The following NSD3 variants were observed in gnomAD, a reference collection of about 807,000 sequenced individuals.
NSD3 encodes histone-lysine N-methyltransferase NSD3.
NSD3 carries 24 observed loss-of-function variants against 160.8 expected under a neutral mutation model. The ratio of observed to expected loss-of-function variants is 0.15; its 90% CI spans 0.11 to 0.21. NSD3 has a LOEUF of 0.21. Ranked by LOEUF, NSD3 falls within the 10% of genes least tolerant of loss-of-function variation. The pLI, the probability that NSD3 is intolerant of heterozygous loss-of-function variation, is 1.00. For missense variants in NSD3, 1,157 were observed against 1,735.9 expected, an observed-to-expected ratio of 0.67 and a Z score of 5.93; for synonymous variants, 520 against 600.0, an observed-to-expected ratio of 0.87 and a Z score of 1.95.
At chr8:38,345,666 T>C (rs1301960660) in intron 2 of NSD3, among the ~76,000 whole-genome samples, 1 of 152,032 alleles carries the variant, frequency 6.6e-6, no homozygotes, top group African/African-American at 2.4e-5. Context: ...ATCCCGGCAC[T>C]TTGAGAGGCC....
chr8:38,351,433 G>A (rs1335410014), intron 1 of NSD3, among the ~76,000 whole-genome samples: 1 of 151,328 alleles, frequency 6.6e-6, no homozygotes, highest in Non-Finnish European at 1.5e-5. Context: ...GGGAGGCCGA[G>A]GTGGGTGGAT....
chr8:38,373,632 ATCT>A (rs1811311654), intron 1 of NSD3, among the ~76,000 whole-genome samples: 2 of 152,070 alleles, frequency 1.3e-5, no homozygotes, highest in African/African-American at 4.8e-5. Flanking sequence ...TCTCCATATG[ATCT>A]TCTTAATCTC....
chr8:38,325,209 T>C (rs139586133), intron 7 of NSD3, among the ~76,000 whole-genome samples: 42 of 152,294 alleles, frequency 2.8e-4, no homozygotes, highest in African/African-American at 9.1e-4. Flanking sequence ...ACCTGAGGGA[T>C]TGGACTCTAA....
At chr8:38,305,540 A>G (rs1563348873) in intron 12 of NSD3, 95 bp from the exon 13 acceptor site, 1 of 1,156,414 alleles carries the variant, frequency 8.6e-7, no homozygotes, top group South Asian at 1.5e-5. Flanking sequence ...CTCCTAAAAC[A>G]GACTCTATTA....
At position 38,321,483 on chromosome 8, in the gene NSD3, C is replaced by T. The variant is rs1328273546; in HGVS notation, c.1709-311G>A. ...ATTAGTTTTAAAGGCACATAAACAT[C>T]TTTAGGTAAATATAATTAGGGAATG... On this transcript the variant is annotated intron_variant, in intron 7 of 23. Transcript: ENST00000317025. The surrounding 1 kb of genome is among the most constrained non-coding windows in gnomAD (Gnocchi z 4.7). Among the ~76,000 whole-genome samples the T allele has an allele frequency of 6.6e-6, 1 of 152,106 alleles. No homozygotes were observed. Among genetic ancestry groups the T allele is most frequent in the African/African-American group, 2.4e-5 (1 of 41,396 alleles).
intron 4 of NSD3, among the ~76,000 whole-genome samples, chr8:38,336,649 T>TA (rs1810223156): frequency 6.6e-6 from 1 of 152,208 alleles, no homozygotes; most frequent in Non-Finnish European, 1.5e-5. Context: ...TAAGTTCATA[T>TA]AAAACATCTG....
At chr8:38,376,837 T>G (rs370095531) in intron 1 of NSD3, among the ~76,000 whole-genome samples, 5 of 152,194 alleles carry the variant, frequency 3.3e-5, no homozygotes, top group African/African-American at 1.2e-4. Flanking sequence ...TAGGCCTCAG[T>G]TTTCTCTCTT....
chr8:38,350,420 ATT>A (rs1810661300), intron 1 of NSD3, among the ~76,000 whole-genome samples: 1 of 152,070 alleles, frequency 6.6e-6, no homozygotes, highest in African/African-American at 2.4e-5. Flanking sequence ...TTTGATTTGC[ATT>A]TGTCTGATGG....
Position 38,288,699 on chromosome 8 carries a change from G to A in NSD3, c.3289C>T (p.Arg1097Cys), listed in dbSNP as rs752248481. ...IQVADLSEIP[R>C]CNCKPADENP... is the part of the protein sequence containing the mutation. Reference sequence around the variant, plus strand: ...TCATCAGCTGGCTTGCAGTTACAGCGGGGAATCTCTGACAGGTCAGCAACC... The same window carrying A: ...TCATCAGCTGGCTTGCAGTTACAGCAGGGAATCTCTGACAGGTCAGCAACC... The change falls in exon 19 of 24, where the codon CGC becomes TGC. Residue 1097 changes from arginine to cysteine, a missense_variant. By Grantham distance (180) the Arg-to-Cys change is radical. Coordinates refer to ENST00000317025, the MANE Select transcript of NSD3 (RefSeq NM_023034.2). This position sits in a 1 kb window ranked among gnomAD's most constrained non-coding sequence, Gnocchi z 4.5. 3.1e-5 allele frequency: 50 copies of A among 1,614,146 alleles called. No individual in the cohort carries two copies. The highest frequency in any genetic ancestry group is 4.2e-5 in the Non-Finnish European group (49 of 1,180,036).
At position 38,329,182 on chromosome 8, in the gene NSD3, A is replaced by G. The variant is rs1004922465; in HGVS notation, c.1581+196T>C. Among the ~76,000 whole-genome samples, 10 of 152,244 alleles carry G rather than the reference A, an allele frequency of 6.6e-5. No homozygotes were observed. Among genetic ancestry groups the G allele is most frequent in the Non-Finnish European group, 1.3e-4 (9 of 68,042 alleles). On this transcript the variant is annotated intron_variant, in intron 6 of 23. Coordinates refer to ENST00000317025, the MANE Select transcript of NSD3 (RefSeq NM_023034.2). This position sits in a 1 kb window ranked among gnomAD's most constrained non-coding sequence, Gnocchi z 4.8. Reference sequence around the variant, plus strand: ...ATCTACTACAGATGGGAAAATCACAAAAGAAGGGGATAAAAAAGAAGAAAA... The same window carrying G: ...ATCTACTACAGATGGGAAAATCACAGAAGAAGGGGATAAAAAAGAAGAAAA...
intron 11 of NSD3, 110 bp from the exon 12 acceptor site, chr8:38,314,883 A>G (rs1809620207): frequency 8.1e-7 from 1 of 1,240,010 alleles, no homozygotes. Flanking sequence ...ACTGTGATTC[A>G]GTAGGTCTGG....
chr8:38,311,254 T>C (rs1177642931), intron 12 of NSD3, among the ~76,000 whole-genome samples: 1 of 152,174 alleles, frequency 6.6e-6, no homozygotes, highest in African/African-American at 2.4e-5. Context: ...TTCATATGTA[T>C]ATTGACCATC....
intron 21 of NSD3, among the ~76,000 whole-genome samples, chr8:38,278,823 G>A (rs1808671838): frequency 6.6e-6 from 1 of 152,144 alleles, no homozygotes; most frequent in Admixed American, 6.5e-5. Context: ...CTTATATTAT[G>A]ATCAAATAAA....
At chr8:38,289,732 C>A (rs1218685977) in intron 17 of NSD3, among the ~76,000 whole-genome samples, 2 of 152,192 alleles carry the variant, frequency 1.3e-5, no homozygotes, top group Non-Finnish European at 2.9e-5. Flanking sequence ...AGGGAAGAGG[C>A]TCTACTTCAA....
intron 1 of NSD3, 51 bp downstream of exon 1, chr8:38,381,740 GCGCGCGCA>G (rs2150401148): frequency 1.6e-5 from 2 of 123,398 alleles, no homozygotes; most frequent in South Asian, 5.6e-4. Context: ...ACACACGCGC[GCGCGCGCA>G]CACACACACA....
chr8:38,338,729 T>A, intron 2 of NSD3, 122 bp from the exon 3 acceptor site: 1 of 767,484 alleles, frequency 1.3e-6, no homozygotes, highest in Non-Finnish European at 2.2e-6. Flanking sequence ...GGGCATTTAT[T>A]AACTGAACAA....
chr8:38,334,357 C>T (rs1357516289), intron 4 of NSD3, among the ~76,000 whole-genome samples: 6 of 152,106 alleles, frequency 3.9e-5, no homozygotes, highest in African/African-American at 1.4e-4. Context: ...CTAATGGATA[C>T]AGGATTTTTG....
chr8:38,348,148 C>T lies in NSD3; in HGVS notation c.24G>A (p.Met8Ile). 2 of 1,596,126 alleles carry T rather than the reference C, an allele frequency of 1.3e-6. No individual in the cohort carries two copies. Among genetic ancestry groups the T allele is most frequent in the Non-Finnish European group, 1.7e-6 (2 of 1,170,764 alleles). Residue 8 changes from methionine (M) to isoleucine (I), a missense_variant, in exon 2 of 24, where the codon ATG (methionine) becomes ATA (isoleucine). Physicochemically the swap from Met to Ile is conservative, Grantham distance 10 (BLOSUM62 1). This residue lies in a region of NSD3 where 121 missense variants were observed against 177.2 expected (regional missense o/e 0.68). Coordinates refer to ENST00000317025, the MANE Select transcript of NSD3 (RefSeq NM_023034.2). MDFSFSF[M>I]QGIMGNTIQQ... ...GAATTGTGTTTCCCATGATCCCTTG[C>T]ATGAAAGAGAAAGAGAAATCCATTG...
Position 38,348,013 on chromosome 8 carries a change from C to T in NSD3, c.159G>A (p.Leu53=), listed in dbSNP as rs1363196670. The change falls in exon 2 of 24, where the codon TTG becomes TTA. Residue 53 remains leucine, a synonymous_variant. Coordinates refer to ENST00000317025, the MANE Select transcript of NSD3 (RefSeq NM_023034.2). ...TAGCTGGGTACTGAAAGCCTTGCTG[C>T]AAAGTAGCTTCATATGGTGTCTGGC... ...DGGQTPYEAT[L]QQGFQYPATT... The T allele has an allele frequency of 1.2e-6, 2 of 1,614,146 alleles. No individual in the cohort carries two copies. Among genetic ancestry groups the T allele is most frequent in the Non-Finnish European group, 8.5e-7 (1 of 1,180,016 alleles).
Sources: allele counts gnomAD v4.1 joint callset (sites outside exome capture counted in the v4.1 genomes callset), GRCh38; gene constraint gnomAD v4.1.1; regional missense constraint gnomAD v4.1.1; non-coding constraint Gnocchi (gnomAD v3.1); transcripts MANE v1.5; gene names NCBI Gene and HGNC (gene_info 2026-07-23, HGNC 2026-07-21).